Variants in SATB2 observed in about 807,000 individuals in gnomAD.
SATB2 encodes the protein SATB homeobox 2.
A neutral mutation model predicts 73.4 loss-of-function variants in SATB2; 1 was observed. The ratio of observed to expected loss-of-function variants is 0.01; its 90% CI spans 0.00 to 0.06. The LOEUF is 0.06. Ranked by LOEUF, SATB2 falls within the 10% of genes least tolerant of loss-of-function variation. SATB2 has a pLI of 1.00. For synonymous variants in SATB2, 397 were observed against 367.0 expected, an observed-to-expected ratio of 1.08 and a Z score of -0.93; for missense variants, 459 against 945.8, an observed-to-expected ratio of 0.49 and a Z score of 6.75.
At chr2:199,449,696 C>T (rs1170909112) in intron 2 of SATB2, among the ~76,000 whole-genome samples, 2 of 152,122 alleles carry the variant, frequency 1.3e-5, no homozygotes, top group Non-Finnish European at 2.9e-5. Flanking sequence ...TATCACATTA[C>T]ATTTAAGTAG....
intron 4 of SATB2, 79 bp from the exon 5 acceptor site, chr2:199,380,566 A>G: frequency 1.9e-6 from 3 of 1,555,890 alleles, no homozygotes; most frequent in Non-Finnish European, 2.6e-6. Flanking sequence ...TGCAGCAGCC[A>G]TTCTTGGGTC....
chr2:199,419,247 T>C (rs1205648830), intron 3 of SATB2, among the ~76,000 whole-genome samples: 6 of 152,200 alleles, frequency 3.9e-5, no homozygotes, highest in Non-Finnish European at 4.4e-5. Context: ...TAGAACACAC[T>C]GTTTTTAGGC....
At chr2:199,401,002 A>T (rs1157928424) in intron 3 of SATB2, among the ~76,000 whole-genome samples, 2 of 152,172 alleles carry the variant, frequency 1.3e-5, no homozygotes. Context: ...AACTAATTCA[A>T]TCAGGTGTAT....
chr2:199,286,350 T>C (rs1692688305), intron 10 of SATB2, among the ~76,000 whole-genome samples: 1 of 152,216 alleles, frequency 6.6e-6, no homozygotes, highest in Non-Finnish European at 1.5e-5. Context: ...GTGGCAATTA[T>C]ACCTTTCCCT....
rs371004206 is a variant in SATB2 at position 199,320,211 on chromosome 2, T to A, written c.1542+3592A>T. Among the ~76,000 whole-genome samples the A allele has an allele frequency of 3.9e-5, 6 of 152,092 alleles. No homozygotes were observed. The East Asian group carries it at 1.2e-3, about 29-fold the overall frequency. The stretch of plus-strand genomic sequence containing the variant: ...CTGGAGTTACACAGAAAACGCTCCA[T>A]ATGCCTTTACATTATGGCTTCTACT... On this transcript the variant is annotated intron_variant, in intron 9 of 10. Transcript: ENST00000417098.
At chr2:199,346,354 T>G (rs191010318) in intron 7 of SATB2, among the ~76,000 whole-genome samples, 310 of 152,200 alleles carry the variant, frequency 2.0e-3, no homozygotes, top group Middle Eastern at 6.8e-3. Flanking sequence ...TTCACCATGT[T>G]GGCCAGGATG....
At chr2:199,294,793 C>T (rs1692977199) in intron 10 of SATB2, among the ~76,000 whole-genome samples, 1 of 152,184 alleles carries the variant, frequency 6.6e-6, no homozygotes, top group Admixed American at 6.5e-5. Flanking sequence ...GCACCTTCTG[C>T]TCATTTTGAT....
At position 199,440,521 on chromosome 2, in the gene SATB2, A is replaced by T. The variant is rs1290770146; in HGVS notation, c.170-7007T>A. ...TTCAGGTAGTATAATAAGAAACAGT[A>T]GAAAAAAAATTTCACCAATTTTAAA... On this transcript the variant is annotated intron_variant, in intron 2 of 10. Transcript: ENST00000417098. 1.8e-4 allele frequency among the ~76,000 whole-genome samples: 28 copies of T among 152,214 alleles called. 1 individual carries two copies. The highest frequency in any genetic ancestry group is 1.8e-3 in the Admixed American group (28 of 15,288).
At chr2:199,386,716 GCACACACACACACA>G (rs61568459) in intron 3 of SATB2, among the ~76,000 whole-genome samples, 108 of 9,232 alleles carry the variant, frequency 0.012, 1 homozygote, top group Non-Finnish European at 0.019. Flanking sequence ...GCGCGCGCGC[GCACACACACACACA>G]CACACACACA....
intron 4 of SATB2, 71 bp downstream of exon 4, chr2:199,381,623 C>T (rs779078279): frequency 6.3e-6 from 10 of 1,581,094 alleles, no homozygotes; most frequent in Non-Finnish European, 8.7e-6. Context: ...ACATGCTGAT[C>T]TTTGCAGTGA....
At chr2:199,439,623 T>A (rs1265492945) in intron 2 of SATB2, among the ~76,000 whole-genome samples, 2 of 152,180 alleles carry the variant, frequency 1.3e-5, no homozygotes, top group Admixed American at 1.3e-4. Context: ...TGGCTACTAT[T>A]TTTTCTTATT....
At chr2:199,385,938 C>T (rs192642624) in intron 3 of SATB2, among the ~76,000 whole-genome samples, 2 of 152,216 alleles carry the variant, frequency 1.3e-5, no homozygotes, top group East Asian at 3.9e-4. Context: ...ACGAACAATG[C>T]CTACCCTTTA....
At chr2:199,399,928 T>C (rs545626355) in intron 3 of SATB2, among the ~76,000 whole-genome samples, 6 of 152,214 alleles carry the variant, frequency 3.9e-5, no homozygotes, top group African/African-American at 4.8e-5. Context: ...TAAATATTAA[T>C]GTCTCCATTT....
At chr2:199,459,488 G>A (rs963331030), upstream of SATB2, among the ~76,000 whole-genome samples, 1 of 152,186 alleles carries the variant, frequency 6.6e-6, no homozygotes, top group Admixed American at 6.5e-5. The surrounding 1 kb of genome is among the most constrained non-coding windows in gnomAD (Gnocchi z 4.2). Context: ...CAGCCCCCGC[G>A]AGATACCCGG....
At chr2:199,296,200 T>C (rs1412832803) in intron 10 of SATB2, among the ~76,000 whole-genome samples, 1 of 152,206 alleles carries the variant, frequency 6.6e-6, no homozygotes, top group Admixed American at 6.5e-5. Flanking sequence ...GTGTTGCTAA[T>C]TTGTTTTTCC....
At chr2:199,440,729 C>T (rs1489379271) in intron 2 of SATB2, among the ~76,000 whole-genome samples, 1 of 152,060 alleles carries the variant, frequency 6.6e-6, no homozygotes, top group African/African-American at 2.4e-5. Flanking sequence ...TTTTTCTTAA[C>T]TCTTATCGTA....
chr2:199,277,667 T>C (rs1309763942), intron 10 of SATB2, among the ~76,000 whole-genome samples: 1 of 152,204 alleles, frequency 6.6e-6, no homozygotes, highest in Admixed American at 6.5e-5. Context: ...CAGGCAAGGT[T>C]CACAGTAATG....
intron 7 of SATB2, among the ~76,000 whole-genome samples, chr2:199,345,188 T>C (rs1305770319): frequency 6.6e-6 from 1 of 152,064 alleles, no homozygotes; most frequent in Non-Finnish European, 1.5e-5. Flanking sequence ...GACTCTTCCA[T>C]TTCCTGTCCC....
At chr2:199,341,509 T>C (rs1479463509) in intron 7 of SATB2, among the ~76,000 whole-genome samples, 2 of 152,228 alleles carry the variant, frequency 1.3e-5, no homozygotes, top group Non-Finnish European at 2.9e-5. Context: ...AACGTCTGTT[T>C]CTGTCTCATT....
Sources: allele counts gnomAD v4.1 joint callset (sites outside exome capture counted in the v4.1 genomes callset), GRCh38; gene constraint gnomAD v4.1.1; non-coding constraint Gnocchi (gnomAD v3.1); transcripts MANE v1.5; gene names NCBI Gene and HGNC (gene_info 2026-07-23, HGNC 2026-07-21).